Variants in SHANK2 observed in about 807,000 individuals in gnomAD.
The protein encoded by SHANK2 is SH3 and multiple ankyrin repeat domains protein 2.
In SHANK2, 43 loss-of-function variants were observed where a neutral mutation model predicts 133.7. The observed-to-expected ratio is 0.32, with a 90% confidence interval of 0.25 to 0.41. The LOEUF is 0.41. Ranked by LOEUF, SHANK2 falls within the 10% of genes least tolerant of loss-of-function variation. SHANK2 has a pLI of 1.00. For missense variants in SHANK2, 1,994 were observed against 2,235.8 expected, an observed-to-expected ratio of 0.89 and a Z score of 2.18; for synonymous variants, 1,017 against 952.8, an observed-to-expected ratio of 1.07 and a Z score of -1.24.
intron 11 of SHANK2, among the ~76,000 whole-genome samples, chr11:70,891,434 G>A (rs370737927): frequency 5.0e-4 from 76 of 152,066 alleles, no homozygotes; most frequent in Admixed American, 1.3e-3. Context: ...CCCGGGAGGC[G>A]GAGCTTGCAG....
At chr11:70,489,073 C>T (rs1261498902) in intron 24 of SHANK2, 2 of 498,860 alleles carry the variant, frequency 4.0e-6, no homozygotes, top group African/African-American at 3.9e-5. Flanking sequence ...AAAAAAAGTC[C>T]TAGGACAAAC....
intron 10 of SHANK2, among the ~76,000 whole-genome samples, chr11:70,906,836 G>A (rs1950111922): frequency 6.6e-6 from 1 of 152,124 alleles, no homozygotes; most frequent in Admixed American, 6.5e-5. Flanking sequence ...GAGTTCCCCT[G>A]CAAACTTCAA....
Position 70,830,266 on chromosome 11 carries a change from G to A in SHANK2, c.1175-9584C>T, listed in dbSNP as rs1555058022. 2.6e-5 allele frequency among the ~76,000 whole-genome samples: 4 copies of A among 152,196 alleles called. No homozygotes were observed. The highest frequency in any genetic ancestry group is 9.7e-5 in the African/African-American group (4 of 41,440). ...ATTCCTCCTGCCCCTCGTTTTATGA[G>A]CATGTCCGTGGCCTGAAGCCTGCCC... On this transcript the variant is annotated intron_variant, in intron 11 of 25. Transcript: ENST00000601538. This position sits in a 1 kb window ranked among gnomAD's most constrained non-coding sequence, Gnocchi z 4.4.
At chr11:70,660,654 G>A (rs1227643367) in intron 16 of SHANK2, among the ~76,000 whole-genome samples, 1 of 152,160 alleles carries the variant, frequency 6.6e-6, no homozygotes, top group Middle Eastern at 3.2e-3. Context: ...CCAAGGGTGG[G>A]TGGGTGTGGA....
intron 14 of SHANK2, among the ~76,000 whole-genome samples, chr11:70,730,475 G>T (rs1294678221): frequency 6.6e-6 from 1 of 151,944 alleles, no homozygotes; most frequent in Non-Finnish European, 1.5e-5. Flanking sequence ...CATCTCACCC[G>T]ACTATCCCAG....
chr11:70,924,378 G>A (rs1304090309), intron 10 of SHANK2, among the ~76,000 whole-genome samples: 1 of 152,142 alleles, frequency 6.6e-6, no homozygotes, highest in Non-Finnish European at 1.5e-5. Flanking sequence ...AGGTGTGAGA[G>A]TCAAACACCA....
At chr11:70,504,791 G>A (rs549516076) in intron 17 of SHANK2, among the ~76,000 whole-genome samples, 6 of 152,200 alleles carry the variant, frequency 3.9e-5, no homozygotes, top group South Asian at 2.1e-4. Context: ...AGACAGCACC[G>A]GGAGTTCTCG....
At position 71,146,887 on chromosome 11, in the gene SHANK2, T is replaced by C. The variant is rs1254495688; in HGVS notation, c.207+233A>G. On this transcript the variant is annotated intron_variant, in intron 3 of 25. Coordinates refer to ENST00000601538, the MANE Select transcript of SHANK2 (RefSeq NM_012309.5). Reference sequence around the variant, plus strand: ...GCCCAGTCAATGTTTGTGGATGGAGTTGGGGACAATGACAGCAACAGCATG... The same window carrying C: ...GCCCAGTCAATGTTTGTGGATGGAGCTGGGGACAATGACAGCAACAGCATG... 2.0e-5 allele frequency among the ~76,000 whole-genome samples: 3 copies of C among 151,898 alleles called. No individual in the cohort carries two copies. The East Asian group carries it at 5.8e-4, about 29-fold the overall frequency.
intron 17 of SHANK2, among the ~76,000 whole-genome samples, chr11:70,515,748 G>A (rs1291149785): frequency 6.6e-6 from 1 of 151,858 alleles, no homozygotes; most frequent in Non-Finnish European, 1.5e-5. Flanking sequence ...TGAGGCTGAG[G>A]CTGCAGCAAG....
intron 11 of SHANK2, among the ~76,000 whole-genome samples, chr11:70,841,706 C>T (rs781821029): frequency 9.9e-5 from 15 of 152,194 alleles, no homozygotes; most frequent in Non-Finnish European, 2.1e-4. Flanking sequence ...ACTGCAGAAT[C>T]GGGGTGAGTC....
chr11:70,813,783 C>T (rs531091465), intron 12 of SHANK2, among the ~76,000 whole-genome samples: 9 of 152,254 alleles, frequency 5.9e-5, no homozygotes, highest in African/African-American at 1.9e-4. Flanking sequence ...GTCAATATCA[C>T]CTCCCTCCCT....
chr11:70,593,135 T>C (rs182608601), intron 17 of SHANK2, among the ~76,000 whole-genome samples: 73 of 152,292 alleles, frequency 4.8e-4, no homozygotes, highest in African/African-American at 1.7e-3. Flanking sequence ...ATTTCCAACA[T>C]GAACGCACAC....
chr11:71,132,807 C>T (rs1295366860), intron 3 of SHANK2, among the ~76,000 whole-genome samples: 1 of 152,138 alleles, frequency 6.6e-6, no homozygotes, highest in African/African-American at 2.4e-5. Flanking sequence ...CACAGCCTTC[C>T]CTTTTTTTCT....
chr11:70,727,202 C>G (rs150515767), intron 14 of SHANK2, among the ~76,000 whole-genome samples: 1 of 152,236 alleles, frequency 6.6e-6, no homozygotes. Flanking sequence ...GCCTCTGGCA[C>G]GGAGCAGTTG....
At chr11:70,623,992 G>A (rs1349191594) in intron 17 of SHANK2, among the ~76,000 whole-genome samples, 7 of 152,294 alleles carry the variant, frequency 4.6e-5, no homozygotes, top group African/African-American at 1.7e-4. Context: ...GGCTAAGGGT[G>A]CGCCCAGAGC....
intron 17 of SHANK2, among the ~76,000 whole-genome samples, chr11:70,636,224 TGTGA>T (rs2061078772): frequency 6.6e-6 from 1 of 152,220 alleles, no homozygotes; most frequent in Admixed American, 6.5e-5. Flanking sequence ...CGTGTGTGTG[TGTGA>T]ATGTGAGTCT....
At chr11:71,063,072 GGAGAAA>G (rs1185003744) in intron 9 of SHANK2, among the ~76,000 whole-genome samples, 28 of 149,066 alleles carry the variant, frequency 1.9e-4, no homozygotes, top group African/African-American at 5.2e-4. Context: ...AGGAAGGGAG[GGAGAAA>G]GAGAAAGAGA....
At chr11:70,496,196 G>T (rs781998551) in intron 21 of SHANK2, among the ~76,000 whole-genome samples, 5 of 152,228 alleles carry the variant, frequency 3.3e-5, no homozygotes, top group Non-Finnish European at 7.3e-5. Context: ...GCACATCAAG[G>T]AAGGTGGGAC....
chr11:71,113,347 C>T lies in SHANK2; in HGVS notation c.429G>A (p.Arg143=). Residue 143 remains arginine (R), a synonymous_variant, in exon 5 of 26, where the codon CGG becomes CGA. Transcript: ENST00000601538. ...CATCGAGACTGGCTTGTTTATACAC[C>T]CGCTTCTTGTATCGAAACTGGCACA... ...VPSLEFRYKK[R]VYKQASLDEK... is the part of the protein sequence containing the mutation. The T allele has an allele frequency of 1.3e-6, 2 of 1,551,678 alleles. No homozygotes were observed. Among genetic ancestry groups the T allele is most frequent in the Non-Finnish European group, 1.7e-6 (2 of 1,146,996 alleles).
Sources: gnomAD v4.1 joint callset for allele counts (sites outside exome capture counted in the v4.1 genomes callset) on GRCh38, gnomAD v4.1.1 for gene constraint, Gnocchi (gnomAD v3.1) non-coding constraint, MANE v1.5 for transcripts, NCBI Gene and HGNC (gene_info 2026-07-23, HGNC 2026-07-21) for gene names.